EHHADH: variants seen among roughly 807,000 people sequenced by gnomAD.
The protein encoded by EHHADH is peroxisomal bifunctional enzyme.
EHHADH carries 48 observed loss-of-function variants against 64.4 expected under a neutral mutation model. The ratio of observed to expected loss-of-function variants is 0.75; its 90% confidence interval spans 0.59 to 0.95. EHHADH has a LOEUF of 0.95. Among genes scored for constraint, EHHADH ranks in the 40% least tolerant of loss-of-function variants. EHHADH has a pLI of 0.00. For missense variants in EHHADH, 854 were observed against 876.6 expected (o/e 0.97, Z 0.33); for synonymous variants, 308 against 326.7 (o/e 0.94, Z 0.62).
intron 2 of EHHADH, among the ~76,000 whole-genome samples, chr3:185,236,659 C>A (rs982511328): frequency 6.6e-6 from 1 of 152,012 alleles, no homozygotes; most frequent in South Asian, 2.1e-4. Flanking sequence ...CCTCATCTAG[C>A]ATCAATCCAG....
At chr3:185,246,024 T>C in intron 2 of EHHADH, 1 of 1,331,442 alleles carries the variant, frequency 7.5e-7, no homozygotes, top group African/African-American at 1.4e-5. Flanking sequence ...GCTTCATCTT[T>C]CTCTAGTAGT....
Position 185,193,114 on chromosome 3 carries a change from G to A in EHHADH, c.1284C>T (p.Val428=). ...CTGGCGAAAAGAAGTGGGTGCCAATGACCAAGTGAGGACGATCAGTGGAAG... is the reference window on the plus strand; with the variant it reads ...CTGGCGAAAAGAAGTGGGTGCCAATAACCAAGTGAGGACGATCAGTGGAAG... ...IASSTDRPHL[V]IGTHFFSPAH... The change falls in exon 7 of 7, where the codon GTC becomes GTT. Residue 428 remains valine (V), a synonymous_variant. Transcript: ENST00000231887. 6.2e-7 allele frequency: 1 copy of A among 1,613,692 alleles called. No individual in the cohort carries two copies. Among genetic ancestry groups the A allele is most frequent in the East Asian group, 2.2e-5 (1 of 44,876 alleles).
intron 2 of EHHADH, among the ~76,000 whole-genome samples, chr3:185,243,149 T>G (rs1469341677): frequency 6.6e-6 from 1 of 152,236 alleles, no homozygotes; most frequent in Non-Finnish European, 1.5e-5. Flanking sequence ...AGTGGGGGTG[T>G]GTGTTCCAGA....
chr3:185,248,503 C>T lies in EHHADH; in HGVS notation c.89G>A (p.Arg30His), dbSNP rs781284695. Residue 30 changes from arginine to histidine, a missense_variant, in exon 2 of 7, where the codon CGT (arginine) becomes CAT (histidine). Coordinates refer to ENST00000231887, the MANE Select transcript of EHHADH (RefSeq NM_001966.4). The stretch of plus-strand genomic sequence containing the variant: ...TTTCTGTAGTCCTTCTTTTATGTCA[C>T]GGAGTAAAGTCGTACTAAAAGAAAA... The part of the protein sequence containing the change: ...PVNAISTTLL[R>H]DIKEGLQKAV... The T allele has an allele frequency of 1.7e-5, 27 of 1,610,144 alleles. No individual in the cohort carries two copies. The highest frequency in any genetic ancestry group is 4.4e-5 in the South Asian group (4 of 90,470).
At chr3:185,202,936 T>A (rs1718269534) in intron 6 of EHHADH, among the ~76,000 whole-genome samples, 1 of 147,980 alleles carries the variant, frequency 6.8e-6, no homozygotes, top group Non-Finnish European at 1.5e-5. Flanking sequence ...GAGCTTAAAA[T>A]GTAGATCTCA....
At chr3:185,195,819 C>T (rs146600189) in intron 6 of EHHADH, among the ~76,000 whole-genome samples, 18 of 152,266 alleles carry the variant, frequency 1.2e-4, no homozygotes, top group African/African-American at 3.9e-4. Context: ...ACCTACCTAT[C>T]GGGTACTGTG....
Position 185,204,553 on chromosome 3 carries a change from T to G in EHHADH, c.773A>C (p.Tyr258Ser), listed in dbSNP as rs753338712. The G allele has an allele frequency of 2.5e-6, 4 of 1,614,064 alleles. No individual in the cohort carries two copies. In the East Asian group the frequency reaches 8.9e-5, roughly 36 times the overall value. Residue 258 changes from tyrosine to serine, a missense_variant, in exon 6 of 7, where the codon TAT becomes TCT. Physicochemically the swap from Tyr to Ser is moderately radical, Grantham distance 144. Transcript: ENST00000231887. ...GIKKEEELFL[Y>S]LLQSGQARAL... Reference sequence around the variant, plus strand: ...TCTAGCCTGCCCTGATTGCAAAAGATATAGAAACAGCTCCTCCTCCTTCTT... The same window carrying G: ...TCTAGCCTGCCCTGATTGCAAAAGAGATAGAAACAGCTCCTCCTCCTTCTT...
intron 5 of EHHADH, among the ~76,000 whole-genome samples, chr3:185,209,429 C>T (rs1718480964): frequency 6.6e-6 from 1 of 152,258 alleles, no homozygotes; most frequent in Non-Finnish European, 1.5e-5. Flanking sequence ...GTTACCAAAA[C>T]TTCAGCTATA....
chr3:185,196,216 A>AT (rs1190318295), intron 6 of EHHADH, among the ~76,000 whole-genome samples: 1 of 151,684 alleles, frequency 6.6e-6, no homozygotes, highest in Non-Finnish European at 1.5e-5. Context: ...TCCTGTATCA[A>AT]TGTCACTTGG....
chr3:185,210,037 A>G (rs1438826643), intron 5 of EHHADH, among the ~76,000 whole-genome samples: 1 of 152,218 alleles, frequency 6.6e-6, no homozygotes, highest in Non-Finnish European at 1.5e-5. Context: ...CCTAAAAGGA[A>G]GACAAGAATG....
rs1255563715 is a variant in EHHADH at position 185,192,624 on chromosome 3, GT to G, written c.1773del (p.Lys591AsnfsTer49). ...QYDKPLGRIH[K>X]PDPWLSKFLS... ...AGGAATTTGGAAAGCCAGGGATCAG[GT>G]TTGTGAATCCTACCCAATGGCTTGT... On this transcript the variant is annotated frameshift_variant, in exon 7 of 7. Coordinates refer to ENST00000231887, the MANE Select transcript of EHHADH (RefSeq NM_001966.4). LOFTEE classifies it high-confidence loss of function. 7 of 1,614,064 alleles carry G rather than the reference GT, an allele frequency of 4.3e-6. No individual in the cohort carries two copies. In the African/African-American group the frequency reaches 9.3e-5, roughly 22 times the overall value.
intron 5 of EHHADH, among the ~76,000 whole-genome samples, chr3:185,208,932 C>T (rs1321455402): frequency 6.6e-6 from 1 of 152,198 alleles, no homozygotes; most frequent in East Asian, 1.9e-4. Context: ...AGATGCAAAA[C>T]ATTACATATT....
chr3:185,253,433 G>C (rs145127553), intron 1 of EHHADH, among the ~76,000 whole-genome samples: 5 of 86,758 alleles, frequency 5.8e-5, no homozygotes, highest in East Asian at 4.3e-4. Context: ...GTGGGGGGAG[G>C]GGGGAGGGAT....
chr3:185,248,485 A>G lies in EHHADH; in HGVS notation c.107T>C (p.Leu36Pro), dbSNP rs1484377552. 2 of 1,613,670 alleles carry G rather than the reference A, an allele frequency of 1.2e-6. No homozygotes were observed. Among genetic ancestry groups the G allele is most frequent in the African/African-American group, 2.7e-5 (2 of 74,944 alleles). ...TTLLRDIKEGLQKAVIDHTIK... is the reference protein window; with the variant it reads ...TTLLRDIKEGPQKAVIDHTIK... Reference sequence around the variant, plus strand: ...TGTATGGTCTATTACAGCTTTCTGTAGTCCTTCTTTTATGTCACGGAGTAA... The same window carrying G: ...TGTATGGTCTATTACAGCTTTCTGTGGTCCTTCTTTTATGTCACGGAGTAA... The change falls in exon 2 of 7, where the codon CTA (leucine) becomes CCA (proline). Residue 36 changes from leucine (L) to proline (P), a missense_variant. Coordinates refer to ENST00000231887, the MANE Select transcript of EHHADH (RefSeq NM_001966.4).
chr3:185,202,322 G>A (rs536806358), intron 6 of EHHADH, among the ~76,000 whole-genome samples: 3 of 130,814 alleles, frequency 2.3e-5, no homozygotes, highest in African/African-American at 8.9e-5. Context: ...CTGGGTGACA[G>A]AGCGAAACTC....
At position 185,192,553 on chromosome 3, in the gene EHHADH, G is replaced by C. The variant is rs1465087274; in HGVS notation, c.1845C>G (p.Ser615Arg). The C allele has an allele frequency of 1.2e-6, 2 of 1,614,054 alleles. No homozygotes were observed. The highest frequency in any genetic ancestry group is 1.7e-6 in the Non-Finnish European group (2 of 1,180,040). The change falls in exon 7 of 7, where the codon AGC becomes AGG. Residue 615 changes from serine (S) to arginine (R), a missense_variant. By Grantham distance (110) the Ser-to-Arg change is moderately radical (BLOSUM62 -1). Transcript: ENST00000231887. ...KTHHIEPRTI[S>R]QDEILERCLY... ...AGCAGCGTTCAAGGATCTCATCCTGGCTAATGGTACGTGGTTCAATGTGAT... is the reference window on the plus strand; with the variant it reads ...AGCAGCGTTCAAGGATCTCATCCTGCCTAATGGTACGTGGTTCAATGTGAT...
At chr3:185,243,943 C>T (rs868451241) in intron 2 of EHHADH, among the ~76,000 whole-genome samples, 9 of 152,224 alleles carry the variant, frequency 5.9e-5, no homozygotes, top group South Asian at 2.1e-4. Context: ...GTGCTGTCAG[C>T]GGGGTTTTGA....
At position 185,190,987 on chromosome 3, in the gene EHHADH, A is replaced by G. The variant is rs1035784575; in HGVS notation, c.*1239T>C. 3 of 152,240 alleles carry G rather than the reference A, an allele frequency of 2.0e-5. No homozygotes were observed. Among genetic ancestry groups the G allele is most frequent in the Non-Finnish European group, 2.9e-5 (2 of 68,042 alleles). The allele number at this position is 152,240 out of a possible 1,614,324, so 9.4% of individuals were successfully genotyped here. A position where few individuals can be genotyped will look rare whatever the true frequency, so the allele number is the denominator to read the frequency against. ...AAAATATACAACTCAATGGTTTTTA[A>G]TATATTGTTATGTGACCATTACCAC... is the stretch of plus-strand genomic sequence containing the variant. On this transcript the variant is annotated 3_prime_UTR_variant, in exon 7 of 7. Transcript: ENST00000231887.
At chr3:185,253,717 G>C in intron 1 of EHHADH, 2 of 976,918 alleles carry the variant, frequency 2.0e-6, no homozygotes, top group Non-Finnish European at 2.8e-6. Flanking sequence ...TCAGTAAAAC[G>C]GGGACGAGAG....
Sources: gnomAD v4.1 joint callset for allele counts (sites outside exome capture counted in the v4.1 genomes callset) on GRCh38, gnomAD v4.1.1 for gene constraint, MANE v1.5 for transcripts, NCBI Gene and HGNC (gene_info 2026-07-23, HGNC 2026-07-21) for gene names.